The following UBE2D3 variants were observed in gnomAD, a reference collection of about 807,000 sequenced individuals.
UBE2D3 encodes ubiquitin conjugating enzyme E2 D3.
In UBE2D3, 2 loss-of-function variants were observed where a neutral mutation model predicts 22.8. That is an observed-to-expected ratio of 0.09 (90% confidence interval 0.04 to 0.28). The LOEUF (loss-of-function observed/expected upper bound fraction) is 0.28, where lower values mean the gene tolerates loss of function less well. Ranked by LOEUF, UBE2D3 falls within the 10% of genes least tolerant of loss-of-function variation. UBE2D3 has a pLI of 1.00. For synonymous variants in UBE2D3, 56 were observed against 60.4 expected (o/e 0.93, Z 0.34); for missense variants, 27 against 182.5 (o/e 0.15, Z 4.91).
chr4:102,868,790 T>G (rs1251221334), exon 1 of UBE2D3: 1 of 1,612,316 alleles, frequency 6.2e-7, no homozygotes, highest in Non-Finnish European at 8.5e-7. Context: ...TCTGCTGGTC[T>G]CCAGCATCTA....
chr4:102,845,369 C>G (rs1410292958), intron 1 of UBE2D3, among the ~76,000 whole-genome samples: 2 of 152,178 alleles, frequency 1.3e-5, no homozygotes, highest in African/African-American at 4.8e-5. Flanking sequence ...AATACTGATG[C>G]CTGGGTCTTC....
At chr4:102,811,900 A>G (rs1480201059) in intron 2 of UBE2D3, 3 of 340,074 alleles carry the variant, frequency 8.8e-6, no homozygotes, top group African/African-American at 2.2e-5. Flanking sequence ...ACTGTCTACC[A>G]CAATATCAAT....
chr4:102,828,050 C>G (rs1229813279), upstream of UBE2D3: 1 of 985,346 alleles, frequency 1.0e-6, no homozygotes, highest in African/African-American at 1.7e-5. Flanking sequence ...TGACGGGGTT[C>G]CGCCTCCAAA....
chr4:102,796,684 A>T lies in UBE2D3; in HGVS notation c.*731T>A, dbSNP rs1725300682. The T allele has an allele frequency of 1.3e-5, 2 of 152,458 alleles. No homozygotes were observed. The highest frequency in any genetic ancestry group is 4.1e-4 in the South Asian group (2 of 4,832). The allele number at this position is 152,458 out of a possible 1,614,324, so 9.4% of individuals were successfully genotyped here. ...CATTGACAACTTGCATCATTTATTCAGTGCTATATTAAACAGTGTATTGGA... is the reference window on the plus strand; with the variant it reads ...CATTGACAACTTGCATCATTTATTCTGTGCTATATTAAACAGTGTATTGGA... On this transcript the variant is annotated 3_prime_UTR_variant, in exon 8 of 8. Transcript: ENST00000453744.
chr4:102,806,165 T>G (rs183718660), intron 4 of UBE2D3, among the ~76,000 whole-genome samples: 1 of 152,288 alleles, frequency 6.6e-6, no homozygotes, highest in Non-Finnish European at 1.5e-5. Flanking sequence ...GTACATACGG[T>G]GCTTTATGAT....
intron 1 of UBE2D3, among the ~76,000 whole-genome samples, chr4:102,851,816 G>A (rs1291582518): frequency 6.6e-6 from 1 of 151,830 alleles, no homozygotes; most frequent in Admixed American, 6.6e-5. Context: ...ACAGGTGCAC[G>A]CCACCACACC....
At chr4:102,826,297 G>A (rs1730483882) in intron 2 of UBE2D3, among the ~76,000 whole-genome samples, 188 bp downstream of exon 2, 2 of 152,164 alleles carry the variant, frequency 1.3e-5, no homozygotes, top group East Asian at 3.8e-4. Context: ...CTTGCCACAA[G>A]TGTTCTCCGT....
intron 6 of UBE2D3, among the ~76,000 whole-genome samples, chr4:102,801,152 T>C (rs1726095753): frequency 6.6e-6 from 1 of 151,998 alleles, no homozygotes; most frequent in South Asian, 2.1e-4. Context: ...TAGTGTGAGA[T>C]GTCCAAGTGG....
At chr4:102,822,395 A>G (rs971371685) in intron 2 of UBE2D3, among the ~76,000 whole-genome samples, 2 of 152,200 alleles carry the variant, frequency 1.3e-5, no homozygotes, top group African/African-American at 4.8e-5. Flanking sequence ...GACAATAAAT[A>G]TATTTTGTTC....
At chr4:102,851,823 C>T (rs1438285723) in intron 1 of UBE2D3, among the ~76,000 whole-genome samples, 1 of 151,960 alleles carries the variant, frequency 6.6e-6, no homozygotes, top group African/African-American at 2.4e-5. Context: ...CACGCCACCA[C>T]ACCTGGCTAA....
At chr4:102,864,082 T>C (rs1198508220) in intron 1 of UBE2D3, among the ~76,000 whole-genome samples, 1 of 152,212 alleles carries the variant, frequency 6.6e-6, no homozygotes, top group African/African-American at 2.4e-5. Flanking sequence ...CATGTATATG[T>C]GCCAGGTACT....
intron 1 of UBE2D3, among the ~76,000 whole-genome samples, chr4:102,840,166 A>T (rs1173568030): frequency 6.6e-6 from 1 of 152,214 alleles, no homozygotes; most frequent in Non-Finnish European, 1.5e-5. Context: ...GGGATTGTAA[A>T]TTAATACAGC....
At chr4:102,854,564 T>A (rs534081047) in intron 1 of UBE2D3, among the ~76,000 whole-genome samples, 30 of 152,370 alleles carry the variant, frequency 2.0e-4, no homozygotes, top group African/African-American at 6.7e-4. Flanking sequence ...CTTCTCTCTA[T>A]CCCTGACAGT....
At chr4:102,797,572 T>A in intron 7 of UBE2D3, 112 bp from the exon 8 acceptor site, 1 of 743,636 alleles carries the variant, frequency 1.3e-6, no homozygotes, top group Non-Finnish European at 2.1e-6. Flanking sequence ...AAGTCATCTC[T>A]AATGACTATG....
rs956929845 is a variant in UBE2D3, at chr4:102,794,999, G to A, written c.*2416C>T. On this transcript the variant is annotated 3_prime_UTR_variant, in exon 8 of 8. Transcript: ENST00000453744. ...TTACTGGGTGGAGTGGGGCAAAGAG[G>A]GCAAATTCTTAGATTCTTTTAAGAT... is the stretch of plus-strand genomic sequence containing the variant. The A allele has an allele frequency of 6.6e-6, 1 of 152,004 alleles. No homozygotes were observed. The highest frequency in any genetic ancestry group is 6.6e-5 in the Admixed American group (1 of 15,238). 9.4% of individuals were successfully genotyped at this position (152,004 alleles called of 1,614,324 possible). A position where few individuals can be genotyped will look rare whatever the true frequency, so the allele number is the denominator to read the frequency against.
At chr4:102,828,198 G>T (rs1270192451), upstream of UBE2D3, 1 of 985,292 alleles carries the variant, frequency 1.0e-6, no homozygotes, top group African/African-American at 1.7e-5. Flanking sequence ...AAGAGCGCGC[G>T]CAGACACAGC....
At chr4:102,821,576 TTTAG>T (rs1311210806) in intron 2 of UBE2D3, among the ~76,000 whole-genome samples, 1 of 151,034 alleles carries the variant, frequency 6.6e-6, no homozygotes, top group East Asian at 1.9e-4. Flanking sequence ...GGGAAAATGA[TTTAG>T]TAAGTCTAAG....
intron 1 of UBE2D3, among the ~76,000 whole-genome samples, chr4:102,847,749 C>T (rs1732112329): frequency 6.6e-6 from 1 of 151,672 alleles, no homozygotes. Context: ...GCTTAGACAA[C>T]CCTCCTGCCT....
At chr4:102,799,604 A>T (rs1281237376) in intron 6 of UBE2D3, 104 bp from the exon 7 acceptor site, 16 of 762,588 alleles carry the variant, frequency 2.1e-5, no homozygotes, top group Non-Finnish European at 3.2e-5. Context: ...GACTTTTATT[A>T]GTTTGTATCT....
Sources: gnomAD v4.1 joint callset for allele counts (sites outside exome capture counted in the v4.1 genomes callset) on GRCh38, gnomAD v4.1.1 for gene constraint, MANE v1.5 for transcripts, NCBI Gene and HGNC (gene_info 2026-07-23, HGNC 2026-07-21) for gene names.